The following LYPD6 variants were observed in gnomAD, a reference collection of about 807,000 sequenced individuals.
LYPD6 encodes ly6/PLAUR domain-containing protein 6.
In LYPD6, 15 loss-of-function variants were observed where a neutral mutation model predicts 22.7. That is an observed-to-expected ratio of 0.66 (90% CI 0.44 to 1.02). The LOEUF is 1.02. Ranked by LOEUF, LYPD6 falls within the 50% of genes least tolerant of loss-of-function variation. The pLI is 0.00. For missense variants in LYPD6, 189 were observed against 208.4 expected, an observed-to-expected ratio of 0.91 and a Z score of 0.57; for synonymous variants, 72 against 77.5, an observed-to-expected ratio of 0.93 and a Z score of 0.37.
Position 149,468,841 on chromosome 2 carries a change from G to A in LYPD6, c.348+66G>A, listed in dbSNP as rs973097093. 6 of 1,543,160 alleles carry A rather than the reference G, an allele frequency of 3.9e-6. No homozygotes were observed. In the African/African-American group the frequency reaches 5.5e-5, roughly 14 times the overall value. ...CTGCCTTCTCTTCAGACATCTGCCA[G>A]TACTCATGAGCAGATTCTTACTCCC... On this transcript the variant is annotated intron_variant, in intron 4 of 4. Transcript: ENST00000334166.
intron 1 of LYPD6, among the ~76,000 whole-genome samples, chr2:149,373,114 C>T: frequency 6.6e-6 from 1 of 152,056 alleles, no homozygotes; most frequent in Non-Finnish European, 1.5e-5. Flanking sequence ...GAGAGCAGGC[C>T]CTTGATTAGA....
At chr2:149,338,109 C>T (rs181918884) in intron 1 of LYPD6, among the ~76,000 whole-genome samples, 2 of 152,070 alleles carry the variant, frequency 1.3e-5, no homozygotes, top group Admixed American at 6.5e-5. Flanking sequence ...AGTGTTGCAA[C>T]GAACATACAC....
intron 1 of LYPD6, among the ~76,000 whole-genome samples, chr2:149,429,110 A>G (rs563911987): frequency 4.9e-4 from 74 of 152,090 alleles, no homozygotes; most frequent in African/African-American, 1.8e-3. Flanking sequence ...CCACATTCTC[A>G]TACCTTGTGA....
chr2:149,395,946 T>G (rs1056616084), intron 1 of LYPD6, among the ~76,000 whole-genome samples: 2 of 152,220 alleles, frequency 1.3e-5, no homozygotes, highest in Admixed American at 6.5e-5. Flanking sequence ...ACTGCCTTTC[T>G]GGAGTTGTCC....
At chr2:149,420,822 A>C (rs1683061755) in intron 1 of LYPD6, among the ~76,000 whole-genome samples, 1 of 152,070 alleles carries the variant, frequency 6.6e-6, no homozygotes, top group Non-Finnish European at 1.5e-5. Context: ...CGTGTGGAGA[A>C]CTTCTCAGTG....
rs989996784 is a variant in LYPD6, at chr2:149,471,708, T to C, written c.*858T>C. The C allele has an allele frequency of 6.6e-6, 1 of 152,554 alleles. No homozygotes were observed. Among genetic ancestry groups the C allele is most frequent in the African/African-American group, 2.4e-5 (1 of 41,444 alleles). 9.5% of individuals were successfully genotyped at this position (152,554 alleles called of 1,614,324 possible). A position where few individuals can be genotyped will look rare whatever the true frequency, so the allele number is the denominator to read the frequency against. On this transcript the variant is annotated 3_prime_UTR_variant, in exon 5 of 5. Coordinates refer to ENST00000334166, the MANE Select transcript of LYPD6 (RefSeq NM_194317.5). ...CCAGATATGGGGTTCTATTCAGCCA[T>C]AGATAATCTAGACAGAGGATTTCAG...
At chr2:149,462,069 T>C (rs577373083) in intron 3 of LYPD6, among the ~76,000 whole-genome samples, 1 of 152,086 alleles carries the variant, frequency 6.6e-6, no homozygotes, top group African/African-American at 2.4e-5. Flanking sequence ...GAAAAGTAAA[T>C]AAAAGACATA....
intron 1 of LYPD6, among the ~76,000 whole-genome samples, chr2:149,403,434 G>C (rs1682611590): frequency 6.7e-6 from 1 of 150,076 alleles, no homozygotes; most frequent in African/African-American, 2.5e-5. Flanking sequence ...TAACTGGTGT[G>C]AGATGGTATC....
chr2:149,431,240 T>C (rs1683305335), intron 1 of LYPD6, among the ~76,000 whole-genome samples: 1 of 152,204 alleles, frequency 6.6e-6, no homozygotes, highest in South Asian at 2.1e-4. Flanking sequence ...CTGCAGTGCA[T>C]ATTCAAATAG....
At chr2:149,423,197 CTTCCT>C (rs1175615966) in intron 1 of LYPD6, among the ~76,000 whole-genome samples, 5 of 152,142 alleles carry the variant, frequency 3.3e-5, no homozygotes, top group African/African-American at 1.2e-4. Flanking sequence ...CAGCCTCTGC[CTTCCT>C]CTTTCATCAG....
intron 1 of LYPD6, among the ~76,000 whole-genome samples, chr2:149,434,023 T>A (rs902934129): frequency 2.6e-5 from 4 of 152,296 alleles, no homozygotes; most frequent in African/African-American, 9.6e-5. Flanking sequence ...AACGTGCAGA[T>A]TTGTTACATA....
intron 1 of LYPD6, among the ~76,000 whole-genome samples, chr2:149,420,043 C>T (rs911265819): frequency 6.6e-6 from 1 of 152,182 alleles, no homozygotes; most frequent in Non-Finnish European, 1.5e-5. Context: ...GAATCCCAGG[C>T]CTGCCTGCTT....
chr2:149,343,701 T>G (rs1306013936), intron 1 of LYPD6, among the ~76,000 whole-genome samples: 3 of 152,232 alleles, frequency 2.0e-5, no homozygotes, highest in African/African-American at 7.2e-5. Flanking sequence ...TTGAGATCTT[T>G]GCTTGTTTCC....
the LYPD6 span, among the ~76,000 whole-genome samples, chr2:149,481,873 A>G: frequency 5.9e-5 from 9 of 152,246 alleles, no homozygotes; most frequent in Non-Finnish European, 1.0e-4. Flanking sequence ...AAACATAAAT[A>G]TAATAAATGG....
chr2:149,402,359 T>C (rs1404598678), intron 1 of LYPD6, among the ~76,000 whole-genome samples: 1 of 152,150 alleles, frequency 6.6e-6, no homozygotes, highest in Non-Finnish European at 1.5e-5. Context: ...CATGTGCAAA[T>C]ATCTTTTTCA....
At chr2:149,405,289 G>A (rs1341904793) in intron 1 of LYPD6, among the ~76,000 whole-genome samples, 1 of 151,996 alleles carries the variant, frequency 6.6e-6, no homozygotes, top group Non-Finnish European at 1.5e-5. Flanking sequence ...CTATTGATTG[G>A]AATAGTTTCA....
At chr2:149,468,596 C>T in intron 3 of LYPD6, 49 bp from the exon 4 acceptor site, 1 of 1,589,030 alleles carries the variant, frequency 6.3e-7, no homozygotes. Flanking sequence ...TCCTTTTAGG[C>T]AGGTTTGGTC....
At chr2:149,344,141 A>G (rs922863305) in intron 1 of LYPD6, among the ~76,000 whole-genome samples, 1 of 152,154 alleles carries the variant, frequency 6.6e-6, no homozygotes, top group African/African-American at 2.4e-5. Context: ...CTGTGAATGT[A>G]CAATTAGTTT....
At chr2:149,485,437 G>A in the LYPD6 span, among the ~76,000 whole-genome samples, 1 of 152,204 alleles carries the variant, frequency 6.6e-6, no homozygotes, top group African/African-American at 2.4e-5. Flanking sequence ...GGCGTTTGGA[G>A]GACAGTGATG....
Sources: gnomAD v4.1 joint callset for allele counts (sites outside exome capture counted in the v4.1 genomes callset) on GRCh38, gnomAD v4.1.1 for gene constraint, MANE v1.5 for transcripts, NCBI Gene and HGNC (gene_info 2026-07-23, HGNC 2026-07-21) for gene names.